The following SIPA1L1 variants were observed in gnomAD, a reference collection of about 807,000 sequenced individuals.
SIPA1L1 encodes signal-induced proliferation-associated 1-like protein 1.
Under a neutral mutation model 162.7 loss-of-function variants are expected in SIPA1L1, and 26 were observed. That is an observed-to-expected ratio of 0.16 (90% CI 0.12 to 0.22). The LOEUF (loss-of-function observed/expected upper bound fraction) is 0.22, where lower values mean the gene tolerates loss of function less well. SIPA1L1 is among the 10% of genes least tolerant of loss of function. SIPA1L1 has a pLI of 1.00. For missense variants in SIPA1L1, 1,874 were observed against 2,241.0 expected (o/e 0.84, Z 3.31); for synonymous variants, 829 against 837.4 (o/e 0.99, Z 0.17).
At chr14:71,644,010 G>A (rs908564416) in intron 7 of SIPA1L1, among the ~76,000 whole-genome samples, 1 of 152,126 alleles carries the variant, frequency 6.6e-6, no homozygotes, top group Non-Finnish European at 1.5e-5. Flanking sequence ...ATTTCACCAT[G>A]TTAGTCAGGC....
At chr14:71,429,250 T>C (rs2043807441) in intron 2 of SIPA1L1, among the ~76,000 whole-genome samples, 1 of 152,212 alleles carries the variant, frequency 6.6e-6, no homozygotes, top group South Asian at 2.1e-4. Flanking sequence ...AGTGCCTGTT[T>C]CCTCCCCACT....
chr14:71,534,384 G>A (rs555654405), intron 4 of SIPA1L1, among the ~76,000 whole-genome samples: 12 of 152,196 alleles, frequency 7.9e-5, no homozygotes, highest in Admixed American at 3.9e-4. Flanking sequence ...ATTTATTCGT[G>A]GCAGCAAATA....
intron 2 of SIPA1L1, among the ~76,000 whole-genome samples, chr14:71,454,845 C>G (rs182893281): frequency 6.6e-6 from 1 of 152,164 alleles, no homozygotes; most frequent in East Asian, 1.9e-4. Context: ...GCTCTGTCTA[C>G]CCGGTGTCAC....
chr14:71,614,747 A>G (rs1162665996), intron 5 of SIPA1L1, among the ~76,000 whole-genome samples: 3 of 152,212 alleles, frequency 2.0e-5, no homozygotes, highest in Non-Finnish European at 4.4e-5. Flanking sequence ...AATATACTTC[A>G]TTAGCAGCTG....
chr14:71,360,128 A>G (rs942785483), intron 2 of SIPA1L1, among the ~76,000 whole-genome samples: 2 of 152,222 alleles, frequency 1.3e-5, no homozygotes, highest in African/African-American at 4.8e-5. Context: ...ACTTTTTACA[A>G]AATGCTAAAA....
At chr14:71,432,755 A>G (rs774537306) in intron 2 of SIPA1L1, among the ~76,000 whole-genome samples, 3 of 152,246 alleles carry the variant, frequency 2.0e-5, no homozygotes, top group Non-Finnish European at 4.4e-5. Flanking sequence ...GAACAATCAA[A>G]TGAATGTTTG....
At chr14:71,717,209 G>A (rs2083338209) in intron 17 of SIPA1L1, among the ~76,000 whole-genome samples, 1 of 152,078 alleles carries the variant, frequency 6.6e-6, no homozygotes, top group Admixed American at 6.6e-5. Flanking sequence ...CTTTTATATG[G>A]GGTATCATGT....
rs56373366 is a variant in SIPA1L1, at chr14:71,354,566, C to T, written c.-465+33385C>T. Among the ~76,000 whole-genome samples the T allele has an allele frequency of 3.9e-3, 591 of 151,320 alleles. 6 individuals are homozygous for T. Among genetic ancestry groups the T allele is most frequent in the African/African-American group, 0.014 (571 of 41,170 alleles). On this transcript the variant is annotated intron_variant, in intron 2 of 23. Coordinates refer to ENST00000381232, the MANE Select transcript of SIPA1L1 (RefSeq NM_001386936.1). ...TGCTGCGATTATGGGCGTGAGCCAC[C>T]GCGCCTGGCCCGATACTTCATTTCT... is the stretch of plus-strand genomic sequence containing the variant.
chr14:71,691,176 C>T (rs996327698), intron 13 of SIPA1L1, among the ~76,000 whole-genome samples: 2 of 152,202 alleles, frequency 1.3e-5, no homozygotes, highest in Non-Finnish European at 1.5e-5. Flanking sequence ...GGTATGATTA[C>T]CAGCCTCCCA....
intron 2 of SIPA1L1, among the ~76,000 whole-genome samples, chr14:71,470,133 A>C (rs189041807): frequency 1.5e-4 from 23 of 152,356 alleles, no homozygotes; most frequent in Non-Finnish European, 3.4e-4. Context: ...ATTTCTTCAC[A>C]CCAAGTGGGG....
At chr14:71,412,304 T>C (rs975591823) in intron 2 of SIPA1L1, among the ~76,000 whole-genome samples, 2 of 152,220 alleles carry the variant, frequency 1.3e-5, no homozygotes, top group African/African-American at 4.8e-5. Flanking sequence ...TGAGACTTTA[T>C]TGCAATTTTT....
At chr14:71,712,778 C>T (rs1011983595) in intron 17 of SIPA1L1, among the ~76,000 whole-genome samples, 3 of 152,170 alleles carry the variant, frequency 2.0e-5, no homozygotes, top group African/African-American at 7.2e-5. Flanking sequence ...CTACCTCATG[C>T]TTGCACATAG....
At chr14:71,537,281 A>G (rs1306941934) in intron 4 of SIPA1L1, among the ~76,000 whole-genome samples, 2 of 152,076 alleles carry the variant, frequency 1.3e-5, no homozygotes, top group Admixed American at 6.6e-5. Flanking sequence ...GCTCACTGCA[A>G]CCTCCACTTC....
rs140234667 is a variant in SIPA1L1, at chr14:71,709,599, C to A, written c.4143C>A (p.Ala1381=). The change falls in exon 17 of 24, where the codon GCC becomes GCA. Residue 1381 remains alanine, a synonymous_variant. Transcript: ENST00000381232. ...LSLDIHSKSQ[A]GSTPLTRENS... ...TAGACATACACAGCAAGAGCCAAGC[C>A]GGCTCGACCCCTCTGACAAGGGAGA... The A allele has an allele frequency of 1.2e-6, 2 of 1,614,164 alleles. No homozygotes were observed. The highest frequency in any genetic ancestry group is 8.5e-7 in the Non-Finnish European group (1 of 1,180,038).
chr14:71,703,241 T>C (rs2082212050), intron 15 of SIPA1L1, among the ~76,000 whole-genome samples: 1 of 152,228 alleles, frequency 6.6e-6, no homozygotes, highest in African/African-American at 2.4e-5. Context: ...GTTGGATTTT[T>C]TCCTCCTTTG....
At chr14:71,469,301 G>A (rs146842927) in intron 2 of SIPA1L1, among the ~76,000 whole-genome samples, 2 of 152,316 alleles carry the variant, frequency 1.3e-5, no homozygotes, top group South Asian at 4.1e-4. Context: ...GAGGTGAGGG[G>A]TTGCTAGATC....
intron 10 of SIPA1L1, among the ~76,000 whole-genome samples, chr14:71,664,240 G>C (rs2043798350): frequency 6.6e-6 from 1 of 152,096 alleles, no homozygotes; most frequent in African/African-American, 2.4e-5. Context: ...TCAAGCCCCA[G>C]CCACTCCCCG....
At chr14:71,370,762 A>C (rs41220) in intron 2 of SIPA1L1, among the ~76,000 whole-genome samples, 99,544 of 151,988 alleles carry the variant, frequency 0.65, 33,419 homozygotes, top group Non-Finnish European at 0.71. Context: ...AAAGGTCTTG[A>C]TTCCAACTGT....
chr14:71,656,687 T>A (rs1294993416), intron 8 of SIPA1L1, among the ~76,000 whole-genome samples: 1 of 152,268 alleles, frequency 6.6e-6, no homozygotes, highest in Admixed American at 6.5e-5. Flanking sequence ...CTTCGCATTT[T>A]ATGTCAGCTT....
Sources: allele counts gnomAD v4.1 joint callset (sites outside exome capture counted in the v4.1 genomes callset), GRCh38; gene constraint gnomAD v4.1.1; transcripts MANE v1.5; gene names NCBI Gene and HGNC (gene_info 2026-07-23, HGNC 2026-07-21).